KIF16B: variants seen among roughly 807,000 people sequenced by gnomAD.
KIF16B encodes the protein kinesin family member 16B, also known as kinesin-like protein KIF16B.
Under a neutral mutation model 156.3 loss-of-function variants are expected in KIF16B, and 98 were observed. That is an observed-to-expected ratio of 0.63 (90% CI 0.53 to 0.74). KIF16B has a LOEUF of 0.74. KIF16B is among the 30% of genes least tolerant of loss of function. The pLI is 0.00. For missense variants in KIF16B, 1,421 were observed against 1,606.5 expected (o/e 0.88, Z 1.97); for synonymous variants, 564 against 583.7 (o/e 0.97, Z 0.49).
intron 17 of KIF16B, chr20:16,382,109 G>C (rs1181411573): frequency 7.4e-7 from 1 of 1,355,430 alleles, no homozygotes; most frequent in Non-Finnish European, 9.9e-7. Context: ...TTAGACAGAT[G>C]GGTCCTTTTA....
At chr20:16,280,445 T>TC (rs1480558851) in intron 25 of KIF16B, among the ~76,000 whole-genome samples, 1 of 152,208 alleles carries the variant, frequency 6.6e-6, no homozygotes, top group Non-Finnish European at 1.5e-5. Context: ...TGTGCAAGGA[T>TC]CTGGGTGGGA....
At chr20:16,351,820 G>A (rs759524306) in intron 23 of KIF16B, among the ~76,000 whole-genome samples, 3 of 152,142 alleles carry the variant, frequency 2.0e-5, no homozygotes, top group African/African-American at 7.2e-5. Flanking sequence ...GGAGAGGGGC[G>A]ACACCAAAAT....
intron 23 of KIF16B, among the ~76,000 whole-genome samples, chr20:16,350,368 G>A (rs2064312798): frequency 6.6e-6 from 1 of 152,202 alleles, no homozygotes; most frequent in African/African-American, 2.4e-5. Flanking sequence ...GGGGCTGGAG[G>A]GTGCCCGGCA....
intron 1 of KIF16B, among the ~76,000 whole-genome samples, chr20:16,544,173 G>C (rs1157019935): frequency 6.6e-6 from 1 of 152,042 alleles, no homozygotes. Flanking sequence ...AGGCACCCAG[G>C]CTCCCCTGTC....
At chr20:16,412,881 G>A (rs2065993891) in intron 15 of KIF16B, among the ~76,000 whole-genome samples, 1 of 151,846 alleles carries the variant, frequency 6.6e-6, no homozygotes, top group East Asian at 1.9e-4. Context: ...GGCATAAAGA[G>A]GAATAAATGA....
Position 16,327,782 on chromosome 20 carries a change from G to C in KIF16B, c.3711+8144C>G, listed in dbSNP as rs115598830. The stretch of plus-strand genomic sequence containing the variant: ...CTCTGATAATGTACAAGGTCAGGAA[G>C]CTGGCTGTATTCTATTTTTGTCTGC... On this transcript the variant is annotated intron_variant, in intron 24 of 25. Transcript: ENST00000354981. Among the ~76,000 whole-genome samples the C allele has an allele frequency of 2.2e-3, 339 of 152,228 alleles. 2 individuals carry two copies. The highest frequency in any genetic ancestry group is 7.9e-3 in the African/African-American group (329 of 41,554).
chr20:16,389,511 G>A (rs13038383), intron 17 of KIF16B, among the ~76,000 whole-genome samples: 7,119 of 152,176 alleles, frequency 0.047, 195 homozygotes, highest in African/African-American at 0.083. Context: ...GTTTAGTTCC[G>A]ACTACAGAGG....
intron 17 of KIF16B, among the ~76,000 whole-genome samples, chr20:16,393,972 G>A (rs1255715352): frequency 6.6e-6 from 1 of 152,212 alleles, no homozygotes; most frequent in African/African-American, 2.4e-5. Flanking sequence ...TTAGCAACAT[G>A]TTCTAATCAA....
intron 23 of KIF16B, among the ~76,000 whole-genome samples, chr20:16,342,868 G>A (rs189024562): frequency 1.2e-4 from 18 of 152,328 alleles, no homozygotes; most frequent in Non-Finnish European, 1.9e-4. Flanking sequence ...CAGAAAAAGC[G>A]TTAAATCCTT....
chr20:16,506,587 C>T (rs1003864815), intron 7 of KIF16B, among the ~76,000 whole-genome samples: 2 of 152,030 alleles, frequency 1.3e-5, no homozygotes, highest in South Asian at 2.1e-4. Flanking sequence ...TAGACAAGTA[C>T]GGAAAAGAGC....
At chr20:16,426,388 C>A (rs1051351908) in intron 15 of KIF16B, among the ~76,000 whole-genome samples, 29 of 152,120 alleles carry the variant, frequency 1.9e-4, no homozygotes, top group African/African-American at 6.7e-4. Context: ...CTAGGAAAGG[C>A]CAAGGAAAAG....
intron 1 of KIF16B, 80 bp from the exon 2 acceptor site, chr20:16,528,520 T>C (rs1024758898): frequency 1.1e-5 from 12 of 1,046,970 alleles, no homozygotes; most frequent in Non-Finnish European, 1.6e-5. Flanking sequence ...ATTTGTTTTA[T>C]TTACTTTTTA....
intron 24 of KIF16B, among the ~76,000 whole-genome samples, chr20:16,319,917 A>C (rs2063750040): frequency 6.6e-6 from 1 of 152,080 alleles, no homozygotes; most frequent in Non-Finnish European, 1.5e-5. Context: ...TTTTACCAGA[A>C]CCTAACTACC....
At chr20:16,420,163 G>T (rs16997595) in intron 15 of KIF16B, among the ~76,000 whole-genome samples, 6,948 of 152,202 alleles carry the variant, frequency 0.046, 527 homozygotes, top group African/African-American at 0.16. Flanking sequence ...CTTTATATAT[G>T]TCATCACAAT....
At chr20:16,509,198 T>C (rs530586107) in intron 6 of KIF16B, among the ~76,000 whole-genome samples, 11 of 152,298 alleles carry the variant, frequency 7.2e-5, no homozygotes, top group African/African-American at 2.6e-4. Context: ...CTGCAGGGGA[T>C]TGGATCATAT....
intron 12 of KIF16B, among the ~76,000 whole-genome samples, chr20:16,440,526 A>AGT (rs2066762458): frequency 3.0e-5 from 3 of 99,394 alleles, no homozygotes; most frequent in Non-Finnish European, 4.1e-5. Context: ...AAAACACACA[A>AGT]GCGCGCGCAC....
intron 22 of KIF16B, among the ~76,000 whole-genome samples, chr20:16,363,144 T>C (rs951359604): frequency 5.3e-5 from 8 of 152,232 alleles, no homozygotes; most frequent in Admixed American, 5.2e-4. Flanking sequence ...TGAAGGGTTG[T>C]GTATAATGCA....
intron 17 of KIF16B, among the ~76,000 whole-genome samples, chr20:16,398,701 C>T (rs1249127441): frequency 6.6e-6 from 1 of 152,110 alleles, no homozygotes; most frequent in Non-Finnish European, 1.5e-5. Flanking sequence ...GTGGGGGCAA[C>T]AAGAGGAAGA....
Position 16,338,460 on chromosome 20 carries a change from G to C in KIF16B, c.3622-2445C>G, listed in dbSNP as rs77011248. Among the ~76,000 whole-genome samples, 605 of 152,154 alleles carry C rather than the reference G, an allele frequency of 4.0e-3. 5 individuals carry two copies. The highest frequency in any genetic ancestry group is 0.014 in the African/African-American group (564 of 41,482). ...CACTGTCATCTGCTTCAGCCCTATT[G>C]ATCTCCTGCATGATTCTTGGTAATT... On this transcript the variant is annotated intron_variant, in intron 23 of 25. Transcript: ENST00000354981.
Sources: allele counts gnomAD v4.1 joint callset (sites outside exome capture counted in the v4.1 genomes callset), GRCh38; gene constraint gnomAD v4.1.1; transcripts MANE v1.5; gene names NCBI Gene and HGNC (gene_info 2026-07-23, HGNC 2026-07-21).